Variants in CSMD1 observed in about 807,000 individuals in gnomAD.
CSMD1 encodes the protein CUB and sushi domain-containing protein 1.
CSMD1 carries 213 observed loss-of-function variants against 417.5 expected under a neutral mutation model. The observed-to-expected ratio is 0.51, with a 90% CI of 0.46 to 0.57. CSMD1 has a LOEUF of 0.57. Among genes scored for constraint, CSMD1 ranks in the 20% least tolerant of loss-of-function variants. The pLI is 0.00. For synonymous variants in CSMD1, 2,862 were observed against 1,736.8 expected, an observed-to-expected ratio of 1.65 and a Z score of -16.11; for missense variants, 6,923 against 4,529.7, an observed-to-expected ratio of 1.53 and a Z score of -15.17.
intron 4 of CSMD1, among the ~76,000 whole-genome samples, chr8:4,022,325 C>T (rs1189256516): frequency 6.6e-6 from 1 of 151,578 alleles, no homozygotes; most frequent in East Asian, 1.9e-4. Flanking sequence ...TAGTGAACAC[C>T]CCTCCAATTC....
intron 26 of CSMD1, among the ~76,000 whole-genome samples, chr8:3,233,805 T>C (rs879487577): frequency 1.3e-5 from 2 of 152,220 alleles, no homozygotes; most frequent in Admixed American, 6.5e-5. Context: ...GGTACACCCA[T>C]CCAGAGGAGA....
chr8:3,224,018 T>C (rs56287850), intron 27 of CSMD1, among the ~76,000 whole-genome samples, 151 bp from the exon 28 acceptor site: 41,663 of 152,060 alleles, frequency 0.27, 5,829 homozygotes, highest in East Asian at 0.31. Flanking sequence ...TCAATTATCC[T>C]GATAAAATTG....
At chr8:3,379,521 A>T (rs1329114227) in intron 18 of CSMD1, among the ~76,000 whole-genome samples, 1 of 152,212 alleles carries the variant, frequency 6.6e-6, no homozygotes, top group Non-Finnish European at 1.5e-5. Flanking sequence ...CAGTAACAAA[A>T]ACAGCAAGGT....
intron 59 of CSMD1, among the ~76,000 whole-genome samples, chr8:2,964,474 G>C (rs1232400150): frequency 6.6e-6 from 1 of 152,212 alleles, no homozygotes; most frequent in Non-Finnish European, 1.5e-5. Flanking sequence ...GGAATGGGAG[G>C]AGACAAGTTC....
At position 3,108,757 on chromosome 8, in the gene CSMD1, G is replaced by C. The variant is rs1025378344; in HGVS notation, c.6609-9C>G. On this transcript the variant is annotated splice_polypyrimidine_tract_variant and intron_variant, in intron 43 of 69. Transcript: ENST00000635120. ...TCTGATCGGGACCGTCCCTAGGAAA[G>C]ACAGAAAGAGGTGGCTGGCTAAGGA... is the stretch of plus-strand genomic sequence containing the variant. 29 of 1,603,214 alleles carry C rather than the reference G, an allele frequency of 1.8e-5. No individual in the cohort carries two copies. The highest frequency in any genetic ancestry group is 1.7e-4 in the Admixed American group (10 of 58,166).
chr8:4,001,820 G>A (rs1221516456), intron 4 of CSMD1, among the ~76,000 whole-genome samples: 2 of 151,908 alleles, frequency 1.3e-5, no homozygotes. Context: ...TGTTGGGAAA[G>A]GAGTAGATGA....
intron 3 of CSMD1, among the ~76,000 whole-genome samples, chr8:4,395,932 C>G (rs13258474): frequency 6.6e-6 from 1 of 152,036 alleles, no homozygotes; most frequent in Non-Finnish European, 1.5e-5. Flanking sequence ...TTTTTGTAAC[C>G]GTTGAAATAT....
intron 3 of CSMD1, among the ~76,000 whole-genome samples, chr8:4,093,715 C>A (rs766938553): frequency 3.9e-5 from 6 of 152,116 alleles, no homozygotes; most frequent in Admixed American, 2.0e-4. Context: ...AATTTCGGCA[C>A]TTTGGGAGGC....
intron 8 of CSMD1, among the ~76,000 whole-genome samples, chr8:3,594,019 C>T (rs188348051): frequency 6.6e-6 from 1 of 152,178 alleles, no homozygotes; most frequent in South Asian, 2.1e-4. Flanking sequence ...TTTAGAGCAA[C>T]AGAGTGACGT....
At chr8:3,773,016 C>A (rs1157178352) in intron 5 of CSMD1, among the ~76,000 whole-genome samples, 1 of 152,140 alleles carries the variant, frequency 6.6e-6, no homozygotes, top group Non-Finnish European at 1.5e-5. Flanking sequence ...GAGGCAGGAC[C>A]TCCTCCCTGT....
chr8:3,413,492 C>T (rs1554544161), intron 12 of CSMD1, among the ~76,000 whole-genome samples: 1 of 152,126 alleles, frequency 6.6e-6, no homozygotes, highest in Non-Finnish European at 1.5e-5. Context: ...TAGGGGTTGA[C>T]AAGTAACTGT....
At chr8:4,007,769 T>G (rs796579300) in intron 4 of CSMD1, among the ~76,000 whole-genome samples, 2 of 152,232 alleles carry the variant, frequency 1.3e-5, no homozygotes, top group Non-Finnish European at 2.9e-5. Context: ...TCATTTGTCT[T>G]TAACAAGTGT....
chr8:3,970,745 G>GT (rs531912222), intron 5 of CSMD1, among the ~76,000 whole-genome samples: 1 of 151,922 alleles, frequency 6.6e-6, no homozygotes, highest in Non-Finnish European at 1.5e-5. Context: ...ATGGCATCTT[G>GT]TTTTTTGTTT....
chr8:4,485,850 A>C (rs1482267585), intron 2 of CSMD1, among the ~76,000 whole-genome samples: 1 of 152,044 alleles, frequency 6.6e-6, no homozygotes, highest in Non-Finnish European at 1.5e-5. Context: ...GCAAATGTCA[A>C]AAACCCCATT....
At chr8:3,960,567 TTTAA>T (rs1366503778) in intron 5 of CSMD1, among the ~76,000 whole-genome samples, 1 of 152,172 alleles carries the variant, frequency 6.6e-6, no homozygotes, top group Non-Finnish European at 1.5e-5. Flanking sequence ...GTCTTGAGGA[TTTAA>T]TTACTGATAA....
chr8:3,150,993 G>C (rs1470533370), intron 40 of CSMD1, among the ~76,000 whole-genome samples: 1 of 152,032 alleles, frequency 6.6e-6, no homozygotes, highest in African/African-American at 2.4e-5. Flanking sequence ...CTTGAAAGTT[G>C]TTTTATATTT....
At chr8:3,988,649 T>G (rs542555709) in intron 5 of CSMD1, among the ~76,000 whole-genome samples, 15 of 152,342 alleles carry the variant, frequency 9.8e-5, no homozygotes, top group South Asian at 6.2e-4. Flanking sequence ...TGTACTTCGG[T>G]CAAAATTCCA....
At chr8:3,982,026 C>T (rs1207159601) in intron 5 of CSMD1, among the ~76,000 whole-genome samples, 1 of 151,838 alleles carries the variant, frequency 6.6e-6, no homozygotes, top group Non-Finnish European at 1.5e-5. Context: ...AAAAAATTAG[C>T]CTGGCGCGGT....
At chr8:4,574,070 G>T (rs543702875) in intron 2 of CSMD1, among the ~76,000 whole-genome samples, 1 of 152,116 alleles carries the variant, frequency 6.6e-6, no homozygotes, top group African/African-American at 2.4e-5. Flanking sequence ...CCATGGGGGT[G>T]GGACCCACTG....
Sources: allele counts gnomAD v4.1 joint callset (sites outside exome capture counted in the v4.1 genomes callset), GRCh38; gene constraint gnomAD v4.1.1; transcripts MANE v1.5; gene names NCBI Gene and HGNC (gene_info 2026-07-23, HGNC 2026-07-21).